STRIP2: variants seen among roughly 807,000 people sequenced by gnomAD.
STRIP2 encodes striatin interacting protein 2, also known as striatin-interacting protein 2.
Under a neutral mutation model 107.1 loss-of-function variants are expected in STRIP2, and 84 were observed. That is an observed-to-expected ratio of 0.78 (90% CI 0.66 to 0.94). The LOEUF (loss-of-function observed/expected upper bound fraction) is 0.94, where lower values mean the gene tolerates loss of function less well. STRIP2 is among the 40% of genes least tolerant of loss of function. STRIP2 has a pLI of 0.00. For synonymous variants in STRIP2, 394 were observed against 400.4 expected, an observed-to-expected ratio of 0.98 and a Z score of 0.19; for missense variants, 888 against 1,034.2, an observed-to-expected ratio of 0.86 and a Z score of 1.94.
chr7:129,444,976 C>T (rs1584937262), intron 3 of STRIP2, among the ~76,000 whole-genome samples: 2 of 152,176 alleles, frequency 1.3e-5, no homozygotes, highest in African/African-American at 2.4e-5. Flanking sequence ...CAGCTGGTCA[C>T]GTGGTCGTAG....
rs1421391314 is a variant in STRIP2, at chr7:129,440,102, G to A, written c.199+11G>A. 1.2e-6 allele frequency: 2 copies of A among 1,612,748 alleles called. No homozygotes were observed. The highest frequency in any genetic ancestry group is 2.2e-5 in the East Asian group (1 of 44,890). On this transcript the variant is annotated intron_variant, in intron 2 of 20. Transcript: ENST00000249344. ...CAGCCGAGTTGTCAGGTATGAGGTA[G>A]ATGGGTCAGTAGCTAGTGGAAGAAT...
intron 16 of STRIP2, among the ~76,000 whole-genome samples, chr7:129,465,428 C>T (rs1369876517): frequency 6.6e-6 from 1 of 152,028 alleles, no homozygotes; most frequent in Middle Eastern, 3.2e-3. Flanking sequence ...CTTTAAAAAC[C>T]GTAATTAAAT....
At chr7:129,445,773 T>C (rs1159718631) in intron 3 of STRIP2, among the ~76,000 whole-genome samples, 13 of 151,740 alleles carry the variant, frequency 8.6e-5, no homozygotes, top group Admixed American at 7.2e-4. Context: ...TCTTTAGCCA[T>C]GAAATGAGTG....
intron 16 of STRIP2, 123 bp from the exon 17 acceptor site, chr7:129,467,227 C>A: frequency 1.4e-6 from 1 of 710,886 alleles, no homozygotes; most frequent in Non-Finnish European, 2.4e-6. Context: ...AGACTGATAA[C>A]ACAAGTGGAT....
chr7:129,462,001 A>T (rs1369564045), intron 13 of STRIP2, among the ~76,000 whole-genome samples: 1 of 152,226 alleles, frequency 6.6e-6, no homozygotes, highest in Non-Finnish European at 1.5e-5. Flanking sequence ...CATGTCAAGA[A>T]GGAAGGAAGA....
chr7:129,435,357 G>A (rs1033560418), intron 1 of STRIP2, among the ~76,000 whole-genome samples: 1 of 152,214 alleles, frequency 6.6e-6, no homozygotes, highest in Non-Finnish European at 1.5e-5. Context: ...CCTCATTGAG[G>A]CAGTTCCCAT....
Position 129,458,722 on chromosome 7 carries a change from A to T in STRIP2, c.1285A>T (p.Ile429Phe), listed in dbSNP as rs375518925. The T allele has an allele frequency of 1.9e-6, 3 of 1,614,050 alleles. No homozygotes were observed. In the African/African-American group the frequency reaches 4.0e-5, roughly 22 times the overall value. ...CCACCATCCTCTCAGACAGAAGGAC[A>T]TTGAGCACTTCTTGGAGATGAGCAG... ...PWAPKVRQKD[I>F]EHFLEMSRNK... Residue 429 changes from isoleucine (I) to phenylalanine (F), a missense_variant, in exon 11 of 21, where the codon ATT (isoleucine) becomes TTT (phenylalanine). Ile to Phe is a conservative substitution (Grantham distance 21). Transcript: ENST00000249344. This position sits in a 1 kb window ranked among gnomAD's most constrained non-coding sequence, Gnocchi z 4.6.
Position 129,434,586 on chromosome 7 carries a change from G to A in STRIP2, c.114G>A (p.Gln38=). The A allele has an allele frequency of 6.6e-7, 1 of 1,512,548 alleles. No homozygotes were observed. The highest frequency in any genetic ancestry group is 2.6e-5 in the East Asian group (1 of 38,260). The allele number at this position is 1,512,548 out of a possible 1,614,324, so 93.7% of individuals were successfully genotyped here. ...APKGREAFRS[Q]RRESEGSVDC... is the part of the protein sequence containing the mutation. ...AGGGCCGCGAAGCGTTCCGAAGCCA[G>A]CGGCGGGAGTCAGAGGTGAGGAGCC... Residue 38 remains glutamine (Q), a synonymous_variant, in exon 1 of 21, where the codon CAG becomes CAA. Transcript: ENST00000249344.
chr7:129,470,625 T>C lies in STRIP2; in HGVS notation c.1878-24T>C, dbSNP rs773901074. 3 of 1,603,790 alleles carry C rather than the reference T, an allele frequency of 1.9e-6. No individual in the cohort carries two copies. The Admixed American group carries it at 5.0e-5, about 27-fold the overall frequency. On this transcript the variant is annotated intron_variant, in intron 17 of 20. Coordinates refer to ENST00000249344, the MANE Select transcript of STRIP2 (RefSeq NM_020704.3). The stretch of plus-strand genomic sequence containing the variant: ...CTGCTGTTGCCATTTACCTAAAGCC[T>C]GTCCTTATCTCTGCATCTTACAGCA...
chr7:129,459,678 C>T (rs1201666734), intron 12 of STRIP2, 98 bp downstream of exon 12: 1 of 995,734 alleles, frequency 1.0e-6, no homozygotes. Flanking sequence ...TTATACCAGA[C>T]TCTTTCTGGA....
At chr7:129,471,436 A>G (rs1798786706) in intron 18 of STRIP2, among the ~76,000 whole-genome samples, 1 of 152,200 alleles carries the variant, frequency 6.6e-6, no homozygotes. Context: ...ATGAAGAGGT[A>G]GTATAATCAT....
Position 129,458,721 on chromosome 7 carries a change from C to T in STRIP2, c.1284C>T (p.Asp428=), listed in dbSNP as rs371180015. The T allele has an allele frequency of 4.3e-5, 70 of 1,614,174 alleles. No homozygotes were observed. Among genetic ancestry groups the T allele is most frequent in the Middle Eastern group, 3.3e-4 (2 of 6,062 alleles). Residue 428 remains aspartate, a synonymous_variant, in exon 11 of 21, where the codon GAC becomes GAT. Coordinates refer to ENST00000249344, the MANE Select transcript of STRIP2 (RefSeq NM_020704.3). The surrounding 1 kb of genome is among the most constrained non-coding windows in gnomAD (Gnocchi z 4.6). ...TCCACCATCCTCTCAGACAGAAGGACATTGAGCACTTCTTGGAGATGAGCA... is the reference window on the plus strand; with the variant it reads ...TCCACCATCCTCTCAGACAGAAGGATATTGAGCACTTCTTGGAGATGAGCA... The part of the protein sequence containing the change: ...LPWAPKVRQK[D]IEHFLEMSRN...
intron 6 of STRIP2, 68 bp from the exon 7 acceptor site, chr7:129,454,353 C>A: frequency 1.4e-6 from 2 of 1,468,826 alleles, no homozygotes; most frequent in Non-Finnish European, 1.9e-6. Flanking sequence ...CAGAGACCAT[C>A]TCTGAGGTCT....
intron 18 of STRIP2, among the ~76,000 whole-genome samples, chr7:129,476,061 C>T (rs1439991845): frequency 6.6e-6 from 1 of 152,148 alleles, no homozygotes; most frequent in Admixed American, 6.5e-5. Flanking sequence ...ATGGCCCGCT[C>T]CCAATGAGCT....
intron 14 of STRIP2, among the ~76,000 whole-genome samples, chr7:129,463,499 CTTT>C: frequency 6.9e-6 from 1 of 145,008 alleles, no homozygotes. Context: ...AAAGAACAGT[CTTT>C]TTTTTTTTTT....
chr7:129,475,816 A>G (rs2151015156), intron 18 of STRIP2, among the ~76,000 whole-genome samples: 1 of 152,218 alleles, frequency 6.6e-6, no homozygotes, highest in South Asian at 2.1e-4. Flanking sequence ...CACATCTTGC[A>G]CCGCCCTTAA....
chr7:129,484,299 C>T (rs952465341), intron 20 of STRIP2, among the ~76,000 whole-genome samples: 2 of 152,108 alleles, frequency 1.3e-5, no homozygotes, highest in Non-Finnish European at 2.9e-5. Context: ...CATCAGAAGG[C>T]AAGATATTTG....
At chr7:129,482,333 T>TTCTC (rs61017071) in intron 19 of STRIP2, among the ~76,000 whole-genome samples, 1,255 of 87,650 alleles carry the variant, frequency 0.014, 17 homozygotes, top group Middle Eastern at 0.035. Context: ...AATGGAATAG[T>TTCTC]TCTCTCTCTC....
At chr7:129,452,280 C>A (rs1358313099) in intron 4 of STRIP2, among the ~76,000 whole-genome samples, 3 of 152,096 alleles carry the variant, frequency 2.0e-5, no homozygotes, top group Non-Finnish European at 4.4e-5. Flanking sequence ...CAGAAGAAAC[C>A]TGTTAGCCAG....
Sources: gnomAD v4.1 joint callset for allele counts (sites outside exome capture counted in the v4.1 genomes callset) on GRCh38, gnomAD v4.1.1 for gene constraint, Gnocchi (gnomAD v3.1) non-coding constraint, MANE v1.5 for transcripts, NCBI Gene and HGNC (gene_info 2026-07-23, HGNC 2026-07-21) for gene names.